ITGA10: variants seen among roughly 807,000 people sequenced by gnomAD.
The protein encoded by ITGA10 is integrin subunit alpha 10.
ITGA10 carries 105 observed loss-of-function variants against 145.2 expected under a neutral mutation model. The observed-to-expected ratio is 0.72, with a 90% confidence interval of 0.62 to 0.85. The LOEUF (loss-of-function observed/expected upper bound fraction) is 0.85. ITGA10 is among the 40% of genes least tolerant of loss of function. The pLI is 0.00. For missense variants in ITGA10, 1,317 were observed against 1,444.5 expected (o/e 0.91, Z 1.43); for synonymous variants, 506 against 557.8 (o/e 0.91, Z 1.31).
intron 5 of ITGA10, chr1:145,906,101 T>A (rs12138762): frequency 6.7e-6 from 2 of 300,576 alleles, no homozygotes; most frequent in African/African-American, 2.2e-5. Context: ...TTTGTATTTT[T>A]TTTTTTTAGT....
intron 5 of ITGA10, among the ~76,000 whole-genome samples, chr1:145,905,284 ATT>A (rs1167452480): frequency 6.9e-6 from 1 of 145,480 alleles, no homozygotes; most frequent in African/African-American, 2.5e-5. Flanking sequence ...GGTAGAGAAC[ATT>A]TTTTTTTTTT....
chr1:145,909,657 T>C (rs587726616), intron 1 of ITGA10, among the ~76,000 whole-genome samples: 1 of 137,850 alleles, frequency 7.3e-6, no homozygotes, highest in African/African-American at 2.6e-5. Context: ...ATATAATATA[T>C]AATTGTTATA....
At position 145,905,949 on chromosome 1, in the gene ITGA10, T is replaced by A. The variant is rs187643810; in HGVS notation, c.481+445A>T. The A allele has an allele frequency of 3.6e-3, 581 of 160,758 alleles. 3 individuals are homozygous for A. The highest frequency in any genetic ancestry group is 6.6e-3 in the Admixed American group (113 of 17,154). The allele number at this position is 160,758 out of a possible 1,614,324, so 10.0% of individuals were successfully genotyped here. On this transcript the variant is annotated intron_variant, in intron 5 of 29. Transcript: ENST00000369304. ...TATTATTTTTGAGATGGAGTCTCGC[T>A]TACTCTGTCACCCACGCTAGAGTGC...
chr1:145,902,349 T>C (rs1656459545), intron 9 of ITGA10, 30 bp from the exon 10 acceptor site: 2 of 1,611,246 alleles, frequency 1.2e-6, no homozygotes, highest in South Asian at 2.2e-5. Context: ...TGAGACAATA[T>C]CAGGGGAAGA....
chr1:145,904,081 T>C lies in ITGA10; in HGVS notation c.729A>G (p.Thr243=). ...CCACCATTATTGCTTGGGCAGTCTT[T>C]GTTTCTCGTCCCTCCCGCCGACTGA... The part of the protein sequence containing the change: ...KNLSRREGRE[T]KTAQAIMVAC... The change falls in exon 7 of 30, where the codon ACA becomes ACG. Residue 243 remains threonine (T), a synonymous_variant. Transcript: ENST00000369304. The C allele has an allele frequency of 6.2e-7, 1 of 1,614,098 alleles. No homozygotes were observed. The highest frequency in any genetic ancestry group is 8.5e-7 in the Non-Finnish European group (1 of 1,180,012).
intron 1 of ITGA10, among the ~76,000 whole-genome samples, chr1:145,908,828 G>GA (rs1657484948): frequency 6.6e-6 from 1 of 152,174 alleles, no homozygotes; most frequent in Non-Finnish European, 1.5e-5. Flanking sequence ...TCATTGGTTA[G>GA]ATAAACCCAG....
intron 15 of ITGA10, 63 bp from the exon 16 acceptor site, chr1:145,899,404 C>T (rs199826313): frequency 6.5e-7 from 1 of 1,549,702 alleles, no homozygotes; most frequent in African/African-American, 1.4e-5. Context: ...AAGTGCAAGC[C>T]CAGTGTTTGC....
In ITGA10 at chr1:145,896,303, CTGGGAGGGTCCCATA is replaced by C. The variant is rs2101760124; in HGVS notation, c.2869_2883del (p.Tyr957_Pro961del). 6.2e-7 allele frequency: 1 copy of C among 1,614,188 alleles called. No homozygotes were observed. The highest frequency in any genetic ancestry group is 1.1e-5 in the South Asian group (1 of 91,090). On this transcript the variant is annotated inframe_deletion, in exon 24 of 30. Transcript: ENST00000369304. ...GTTTTGAATTCTGGGCCAGGACCCA[CTGGGAGGGTCCCATA>C]TGGGTGAACCTCATAGCGGTGCAGG...
chr1:145,907,070 TG>T lies in ITGA10; in HGVS notation c.244del (p.His82ThrfsTer10), dbSNP rs1657243619. On this transcript the variant is annotated frameshift_variant, in exon 3 of 30. Coordinates refer to ENST00000369304, the MANE Select transcript of ITGA10 (RefSeq NM_003637.5). LOFTEE classifies it high-confidence loss of function. ...GTGGCCCTTGGCACATGGGGCATTG[TG>T]GGCCCCCCCTACAGGGCAGCGATAA... Reference protein sequence around the residue: ...DVYRCPVGGAHNAPCAKGHLG... With the variant: ...DVYRCPVGGAXNAPCAKGHLG... The T allele has an allele frequency of 6.4e-7, 1 of 1,561,268 alleles. No individual in the cohort carries two copies.
Position 145,907,426 on chromosome 1 carries a change from C to T in ITGA10, c.92G>A (p.Arg31His), listed in dbSNP as rs367630680. The T allele has an allele frequency of 1.4e-5, 22 of 1,613,932 alleles. No individual in the cohort carries two copies. The highest frequency in any genetic ancestry group is 4.4e-5 in the South Asian group (4 of 91,082). The change falls in exon 2 of 30, where the codon CGC becomes CAC. Residue 31 changes from arginine to histidine, a missense_variant. Arg to His is a conservative substitution (Grantham distance 29, BLOSUM62 0). Coordinates refer to ENST00000369304, the MANE Select transcript of ITGA10 (RefSeq NM_003637.5). ...AGCTTCTGGTGGCCCTGGGAATAGG[C>T]GTGGGTGATGTTCATCCAGGTTAAA... is the stretch of plus-strand genomic sequence containing the variant. ...SPFNLDEHHP[R>H]LFPGPPEAEF...
intron 5 of ITGA10, chr1:145,905,689 ACCTT>A: frequency 6.7e-6 from 1 of 150,182 alleles, no homozygotes; most frequent in East Asian, 2.0e-4. Context: ...TGATCCTCCC[ACCTT>A]GGCCTCCTGA....
chr1:145,895,956 T>C, intron 25 of ITGA10, 27 bp downstream of exon 25: 5 of 1,552,304 alleles, frequency 3.2e-6, no homozygotes, highest in Non-Finnish European at 4.4e-6. Flanking sequence ...GGTGGCAGGA[T>C]TCCATGCCCT....
intron 17 of ITGA10, among the ~76,000 whole-genome samples, chr1:145,898,542 G>T (rs1199096289): frequency 6.6e-6 from 1 of 151,778 alleles, no homozygotes; most frequent in Non-Finnish European, 1.5e-5. Context: ...CTAATTTTTT[G>T]TATTTTTAGT....
At chr1:145,894,046 G>C (rs1018634868) in intron 27 of ITGA10, among the ~76,000 whole-genome samples, 3 of 149,322 alleles carry the variant, frequency 2.0e-5, no homozygotes, top group South Asian at 4.4e-4. Context: ...TAGGTTAAAG[G>C]CTGTGCCTTA....
chr1:145,897,910 A>T lies in ITGA10; in HGVS notation c.2347-10T>A. The T allele has an allele frequency of 2.5e-6, 4 of 1,609,432 alleles. No homozygotes were observed. Among genetic ancestry groups the T allele is most frequent in the Non-Finnish European group, 3.4e-6 (4 of 1,175,668 alleles). ...CCTTTGAGAAGGGGACCTGGAAGAAAGGGAAGGGGCTAAGGGTTGAGAGGA... is the reference window on the plus strand; with the variant it reads ...CCTTTGAGAAGGGGACCTGGAAGAATGGGAAGGGGCTAAGGGTTGAGAGGA... On this transcript the variant is annotated splice_polypyrimidine_tract_variant and intron_variant, in intron 18 of 29. Transcript: ENST00000369304.
intron 4 of ITGA10, 36 bp from the exon 5 acceptor site, chr1:145,906,544 G>A (rs1553751126): frequency 6.4e-7 from 1 of 1,569,726 alleles, no homozygotes; most frequent in Non-Finnish European, 8.8e-7. Context: ...CCAGGCTTGG[G>A]AGGGCACCCT....
Position 145,899,244 on chromosome 1 carries a change from C to A in ITGA10, c.2020G>T (p.Val674Phe), listed in dbSNP as rs782395294. Residue 674 changes from valine (V) to phenylalanine (F), a missense_variant, in exon 16 of 30, where the codon GTC becomes TTC. Transcript: ENST00000369304. Reference sequence around the variant, plus strand: ...AAGCAAAGGGCTGCAGTCAGACAGACTGCCTCTTGGCCTCGCCGCCTACAG... The same window carrying A: ...AAGCAAAGGGCTGCAGTCAGACAGAATGCCTCTTGGCCTCGCCGCCTACAG... ...RDCRRRGQEAVCLTAALCFQV... is the reference protein window; with the variant it reads ...RDCRRRGQEAFCLTAALCFQV... 4.3e-6 allele frequency: 7 copies of A among 1,614,262 alleles called. No homozygotes were observed. In the Admixed American group the frequency reaches 1.0e-4, roughly 23 times the overall value.
Position 145,900,117 on chromosome 1 carries a change from A to C in ITGA10, c.1862T>G (p.Leu621Arg). Residue 621 changes from leucine to arginine, a missense_variant, in exon 15 of 30, where the codon CTG becomes CGG. Leu to Arg is a moderately radical substitution (Grantham distance 102). Coordinates refer to ENST00000369304, the MANE Select transcript of ITGA10 (RefSeq NM_003637.5). ...FGRSVDGRLD[L>R]DGDDLVDVAV... ...CACATCGACCAGATCATCTCCATCC[A>C]GATCTAGCCGACCATCCACACTTCG... 1.9e-6 allele frequency: 3 copies of C among 1,614,078 alleles called. No homozygotes were observed. The highest frequency in any genetic ancestry group is 2.5e-6 in the Non-Finnish European group (3 of 1,179,978).
chr1:145,903,099 G>C lies in ITGA10; in HGVS notation c.759-138C>G, dbSNP rs1656616665. 5 of 818,236 alleles carry C rather than the reference G, an allele frequency of 6.1e-6. No individual in the cohort carries two copies. The South Asian group carries it at 1.1e-4, about 17-fold the overall frequency. The allele number at this position is 818,236 out of a possible 1,614,324, so 50.7% of individuals were successfully genotyped here. ...AACATCAGCACTTCCCTGAGGTCAG[G>C]CATCTTGCCTTTTAGGCCATTTCCT... On this transcript the variant is annotated intron_variant, in intron 7 of 29. Transcript: ENST00000369304.
Sources: allele counts gnomAD v4.1 joint callset (sites outside exome capture counted in the v4.1 genomes callset), GRCh38; gene constraint gnomAD v4.1.1; transcripts MANE v1.5; gene names NCBI Gene and HGNC (gene_info 2026-07-23, HGNC 2026-07-21).